DAPK2: variants seen among roughly 807,000 people sequenced by gnomAD.
The protein encoded by DAPK2 is death associated protein kinase 2, also known as death-associated protein kinase 2.
DAPK2 carries 35 observed loss-of-function variants against 44.1 expected under a neutral mutation model. That is an observed-to-expected ratio of 0.79 (90% CI 0.61 to 1.05). The LOEUF (loss-of-function observed/expected upper bound fraction) is 1.05, where lower values mean the gene tolerates loss of function less well. Among genes scored for constraint, DAPK2 ranks in the 50% least tolerant of loss-of-function variants. The pLI is 0.00. For missense variants in DAPK2, 453 were observed against 483.2 expected, an observed-to-expected ratio of 0.94 and a Z score of 0.59; for synonymous variants, 174 against 182.6, an observed-to-expected ratio of 0.95 and a Z score of 0.38.
intron 1 of DAPK2, among the ~76,000 whole-genome samples, chr15:64,016,835 GGAGGGAAGGAAGGAAGGAA>G (rs2079541131): frequency 9.9e-6 from 1 of 100,938 alleles, no homozygotes; most frequent in African/African-American, 4.0e-5. Flanking sequence ...AAGGAAGGAA[GGAGGGAAGGAAGGAAGGAA>G]GGAAGGAAGG....
chr15:63,977,352 G>A (rs1400104688), intron 2 of DAPK2, among the ~76,000 whole-genome samples: 2 of 152,144 alleles, frequency 1.3e-5, no homozygotes, highest in African/African-American at 4.8e-5. Flanking sequence ...GGAAGCTGGA[G>A]CACCCTCCCA....
intron 1 of DAPK2, among the ~76,000 whole-genome samples, chr15:64,022,581 C>T (rs1000656468): frequency 2.0e-5 from 3 of 152,180 alleles, no homozygotes; most frequent in South Asian, 2.1e-4. Context: ...CTTTGGGAGA[C>T]TGAGGCGGGT....
chr15:63,977,081 G>C (rs2078372251), intron 2 of DAPK2, among the ~76,000 whole-genome samples: 1 of 145,314 alleles, frequency 6.9e-6, no homozygotes. Context: ...CATATCAATG[G>C]CATCAAAAAA....
chr15:63,996,124 T>C (rs1044849951), intron 1 of DAPK2, among the ~76,000 whole-genome samples: 15 of 152,150 alleles, frequency 9.9e-5, no homozygotes, highest in Admixed American at 5.2e-4. Context: ...TCAGAATCAT[T>C]TGGGGAGCTG....
chr15:63,969,324 G>A (rs1455147466), intron 3 of DAPK2, among the ~76,000 whole-genome samples: 3 of 152,144 alleles, frequency 2.0e-5, no homozygotes, highest in African/African-American at 7.2e-5. Flanking sequence ...GGAGGCTGAG[G>A]TGGGAGGATT....
chr15:63,945,898 G>A (rs868773801), intron 3 of DAPK2, among the ~76,000 whole-genome samples: 1 of 152,242 alleles, frequency 6.6e-6, no homozygotes, highest in Non-Finnish European at 1.5e-5. Flanking sequence ...AGGAAGAACA[G>A]GCTGCTGCAA....
At chr15:63,998,236 C>T (rs1196284132) in intron 1 of DAPK2, among the ~76,000 whole-genome samples, 1 of 152,174 alleles carries the variant, frequency 6.6e-6, no homozygotes, top group Non-Finnish European at 1.5e-5. Context: ...TTCCCTGCCC[C>T]TCAGTACCCC....
At chr15:63,978,291 G>A (rs1014531906) in intron 2 of DAPK2, among the ~76,000 whole-genome samples, 1 of 152,146 alleles carries the variant, frequency 6.6e-6, no homozygotes, top group Non-Finnish European at 1.5e-5. Flanking sequence ...CCCCTGCCAG[G>A]TTGTGTGGGC....
chr15:63,920,372 C>G (rs1404176019), intron 8 of DAPK2: 1 of 152,108 alleles, frequency 6.6e-6, no homozygotes, highest in Non-Finnish European at 1.5e-5. Context: ...CCTTGCTCCC[C>G]CTTTCTGCAT....
chr15:63,910,040 C>G (rs1057364200), intron 10 of DAPK2, among the ~76,000 whole-genome samples: 14 of 152,222 alleles, frequency 9.2e-5, no homozygotes, highest in African/African-American at 3.1e-4. Flanking sequence ...AAAAATAACT[C>G]AAGCTCTGCT....
intron 1 of DAPK2, among the ~76,000 whole-genome samples, chr15:64,039,481 A>C (rs1173291791): frequency 6.6e-6 from 1 of 152,250 alleles, no homozygotes; most frequent in Non-Finnish European, 1.5e-5. Flanking sequence ...TATTTCATGC[A>C]TTGTTATGAG....
Position 63,969,132 on chromosome 15 carries a change from G to A in DAPK2, c.453+2291C>T, listed in dbSNP as rs184447546. Among the ~76,000 whole-genome samples the A allele has an allele frequency of 5.5e-4, 83 of 152,276 alleles. 2 individuals carry two copies. The highest frequency in any genetic ancestry group is 1.9e-3 in the African/African-American group (78 of 41,546). ...TCTGTTGGAGGTATTAAAAAATACC[G>A]TGACAGCCAGGAGCAGTGGCTCATG... On this transcript the variant is annotated intron_variant, in intron 3 of 10. Transcript: ENST00000261891.
At chr15:64,032,854 G>T (rs2080055468) in intron 1 of DAPK2, among the ~76,000 whole-genome samples, 1 of 152,194 alleles carries the variant, frequency 6.6e-6, no homozygotes, top group Middle Eastern at 3.4e-3. Context: ...GGAAGGCTGA[G>T]GTGGGTGGAT....
At position 63,908,552 on chromosome 15, in the gene DAPK2, G is replaced by A. The variant is rs1567195534; in HGVS notation, c.1081C>T (p.Leu361Phe). Residue 361 changes from leucine (L) to phenylalanine (F), a missense_variant, in exon 11 of 11, where the codon CTC becomes TTC. Leu to Phe is a conservative substitution (Grantham distance 22, BLOSUM62 0). Coordinates refer to ENST00000261891, the Ensembl canonical transcript of DAPK2. This position sits in a 1 kb window ranked among gnomAD's most constrained non-coding sequence, Gnocchi z 5.7. ...GTGCTGCTCCTCCTCCGTGGGTGGA[G>A]GGCTTTCCTCCTGGCGATGTCCTCC... 5 of 1,602,284 alleles carry A rather than the reference G, an allele frequency of 3.1e-6. No individual in the cohort carries two copies. Among genetic ancestry groups the A allele is most frequent in the East Asian group, 4.5e-5 (2 of 44,434 alleles).
intron 1 of DAPK2, among the ~76,000 whole-genome samples, chr15:64,035,557 T>C (rs1055080854): frequency 1.3e-5 from 2 of 152,214 alleles, no homozygotes; most frequent in African/African-American, 4.8e-5. Context: ...GACCCCACCC[T>C]GGTTCTATCA....
intron 2 of DAPK2, among the ~76,000 whole-genome samples, chr15:63,972,973 A>G (rs2078253179): frequency 6.6e-6 from 1 of 152,246 alleles, no homozygotes; most frequent in South Asian, 2.1e-4. Flanking sequence ...CTATTGTCCA[A>G]GACAATGGAA....
chr15:63,922,944 G>T, intron 8 of DAPK2: 2 of 1,535,924 alleles, frequency 1.3e-6, no homozygotes, highest in Non-Finnish European at 1.7e-6. Context: ...AGATGGTCCA[G>T]TTTCCTGGCC....
At chr15:63,915,467 G>A (rs2078902396) in intron 8 of DAPK2, among the ~76,000 whole-genome samples, 1 of 152,224 alleles carries the variant, frequency 6.6e-6, no homozygotes, top group South Asian at 2.1e-4. Flanking sequence ...GCTCAGATGG[G>A]ATTAGTAGAC....
chr15:63,939,400 G>C lies in DAPK2; in HGVS notation c.454-39C>G. 4.7e-4 allele frequency: 677 copies of C among 1,453,896 alleles called. No individual in the cohort carries two copies. The highest frequency in any genetic ancestry group is 5.8e-4 in the Non-Finnish European group (619 of 1,068,516). The allele number at this position is 1,453,896 out of a possible 1,614,324, so 90.1% of individuals were successfully genotyped here. The stretch of plus-strand genomic sequence containing the variant: ...AGTAGAAAAAAAAAAAAGGAAGGAA[G>C]AAAAGAAAAAAAAAGACGGTAATTA... On this transcript the variant is annotated intron_variant, in intron 3 of 10. Transcript: ENST00000261891. The surrounding 1 kb of genome is among the most constrained non-coding windows in gnomAD (Gnocchi z 4.3).
Sources: gnomAD v4.1 joint callset for allele counts (sites outside exome capture counted in the v4.1 genomes callset) on GRCh38, gnomAD v4.1.1 for gene constraint, Gnocchi (gnomAD v3.1) non-coding constraint, MANE v1.5 for transcripts, NCBI Gene and HGNC (gene_info 2026-07-23, HGNC 2026-07-21) for gene names.